The following DLC1 variants were observed in gnomAD, a reference collection of about 807,000 sequenced individuals.
DLC1 encodes the protein DLC1 Rho GTPase activating protein, also known as rho GTPase-activating protein 7.
In DLC1, 54 loss-of-function variants were observed where a neutral mutation model predicts 140.3. That is an observed-to-expected ratio of 0.38 (90% CI 0.31 to 0.48). The LOEUF is 0.48. Ranked by LOEUF, DLC1 falls within the 20% of genes least tolerant of loss-of-function variation. DLC1 has a pLI of 0.96. For synonymous variants in DLC1, 986 were observed against 728.1 expected (o/e 1.35, Z -5.70); for missense variants, 2,536 against 1,907.0 (o/e 1.33, Z -6.14).
At chr8:13,579,318 TATATATATATA>T (rs1563453811) in intron 1 of DLC1, among the ~76,000 whole-genome samples, 88 of 5,470 alleles carry the variant, frequency 0.016, 8 homozygotes, top group African/African-American at 0.048. Context: ...TCTGACTTTA[TATATATATATA>T]TATATATATA....
intron 5 of DLC1, among the ~76,000 whole-genome samples, chr8:13,134,571 T>C (rs1822411718): frequency 6.6e-6 from 1 of 152,232 alleles, no homozygotes; most frequent in African/African-American, 2.4e-5. Flanking sequence ...GAATTTAGTC[T>C]CTTAATTATA....
chr8:13,441,692 G>C (rs946546129), intron 2 of DLC1, among the ~76,000 whole-genome samples: 8 of 152,008 alleles, frequency 5.3e-5, no homozygotes, highest in African/African-American at 1.9e-4. Context: ...ACAAACCACT[G>C]CTCAATGAAA....
At chr8:13,313,965 G>A (rs981752771) in intron 4 of DLC1, among the ~76,000 whole-genome samples, 1 of 152,012 alleles carries the variant, frequency 6.6e-6, no homozygotes, top group Non-Finnish European at 1.5e-5. Flanking sequence ...CCAAACAGAG[G>A]AGCAGACTCC....
At chr8:13,450,049 G>C (rs954265463) in intron 2 of DLC1, among the ~76,000 whole-genome samples, 9 of 151,790 alleles carry the variant, frequency 5.9e-5, no homozygotes, top group African/African-American at 1.7e-4. Flanking sequence ...CCAGTTTTTA[G>C]CTCCTTATTT....
intron 12 of DLC1, among the ~76,000 whole-genome samples, chr8:13,093,245 G>A (rs2128931017): frequency 6.6e-6 from 1 of 152,132 alleles, no homozygotes; most frequent in African/African-American, 2.4e-5. Context: ...ATATGTACAA[G>A]AACGTAAGAA....
intron 1 of DLC1, chr8:13,566,826 G>T: frequency 1.1e-6 from 1 of 898,338 alleles, no homozygotes; most frequent in Non-Finnish European, 1.6e-6. Context: ...CACTGCGCAT[G>T]AGCGGCCCGC....
intron 2 of DLC1, among the ~76,000 whole-genome samples, chr8:13,484,768 C>G (rs748151025): frequency 2.0e-5 from 3 of 151,888 alleles, no homozygotes; most frequent in Non-Finnish European, 2.9e-5. Flanking sequence ...TGAACATAAA[C>G]AGTCCCTGGA....
intron 2 of DLC1, among the ~76,000 whole-genome samples, chr8:13,477,015 TG>T (rs1461865346): frequency 6.6e-6 from 1 of 152,190 alleles, no homozygotes; most frequent in Non-Finnish European, 1.5e-5. Context: ...GAGAGTTGTA[TG>T]GTGGATTGTG....
At chr8:13,215,333 C>A (rs745486524) in intron 5 of DLC1, among the ~76,000 whole-genome samples, 2 of 152,196 alleles carry the variant, frequency 1.3e-5, no homozygotes, top group Non-Finnish European at 2.9e-5. Flanking sequence ...CGCCTGTAAT[C>A]CCAACATTTT....
chr8:13,494,575 A>G (rs929922267), intron 2 of DLC1, among the ~76,000 whole-genome samples: 1 of 152,134 alleles, frequency 6.6e-6, no homozygotes, highest in African/African-American at 2.4e-5. Flanking sequence ...TCTTATCCCT[A>G]TTTTATGCGT....
chr8:13,319,146 C>G (rs550326197), intron 4 of DLC1, among the ~76,000 whole-genome samples: 1 of 152,266 alleles, frequency 6.6e-6, no homozygotes, highest in African/African-American at 2.4e-5. Context: ...GGTTCAGTAG[C>G]TGTGTAGTTT....
At chr8:13,276,973 G>A (rs1430333060) in intron 5 of DLC1, 1 of 152,306 alleles carries the variant, frequency 6.6e-6, no homozygotes, top group African/African-American at 2.4e-5. Context: ...GTTGTGGGAA[G>A]GAAGATATGG....
At chr8:13,571,967 A>G (rs943787243) in intron 1 of DLC1, among the ~76,000 whole-genome samples, 2 of 152,170 alleles carry the variant, frequency 1.3e-5, no homozygotes, top group African/African-American at 4.8e-5. Context: ...ATGATGCTAA[A>G]CAGTTTTTCA....
At chr8:13,277,188 T>C (rs1349648893) in intron 5 of DLC1, among the ~76,000 whole-genome samples, 1 of 152,126 alleles carries the variant, frequency 6.6e-6, no homozygotes, top group Admixed American at 6.5e-5. Context: ...GGCATGCACC[T>C]GTGGTCCCAG....
chr8:13,253,514 T>TCA (rs1830094361), intron 5 of DLC1, among the ~76,000 whole-genome samples: 1 of 152,116 alleles, frequency 6.6e-6, no homozygotes, highest in African/African-American at 2.4e-5. Context: ...GACACAAAAT[T>TCA]CAGATTAAAG....
intron 5 of DLC1, among the ~76,000 whole-genome samples, chr8:13,134,853 C>G (rs1822432379): frequency 6.6e-6 from 1 of 152,132 alleles, no homozygotes; most frequent in South Asian, 2.1e-4. Flanking sequence ...TTACCCAAAG[C>G]AGAATTCAGC....
At chr8:13,495,871 T>G (rs1281179898) in intron 2 of DLC1, among the ~76,000 whole-genome samples, 1 of 152,234 alleles carries the variant, frequency 6.6e-6, no homozygotes, top group African/African-American at 2.4e-5. Context: ...TCTTTTATTT[T>G]TTTCTTCAGG....
chr8:13,244,694 C>A (rs1829686910), intron 5 of DLC1, among the ~76,000 whole-genome samples: 1 of 152,156 alleles, frequency 6.6e-6, no homozygotes, highest in South Asian at 2.1e-4. Context: ...AAAATCTCTT[C>A]CCTACGTTTC....
Position 13,094,890 on chromosome 8 carries a change from G to A in DLC1, c.3395C>T (p.Ala1132Val). Residue 1132 changes from alanine to valine, a missense_variant, in exon 12 of 18, where the codon GCC (alanine) becomes GTC (valine). Physicochemically the swap from Ala to Val is moderately conservative, Grantham distance 64. Coordinates refer to ENST00000276297, the MANE Select transcript of DLC1 (RefSeq NM_182643.3). ...TCCTTCGTAGTTGACACAGTCTATG[G>A]CACCTTCATTCATCTGGCGCAGAGC... ...IQALRQMNEG[A>V]IDCVNYEGQS... The A allele has an allele frequency of 6.2e-7, 1 of 1,614,144 alleles. No homozygotes were observed. Among genetic ancestry groups the A allele is most frequent in the South Asian group, 1.1e-5 (1 of 91,064 alleles).
Sources: gnomAD v4.1 joint callset for allele counts (sites outside exome capture counted in the v4.1 genomes callset) on GRCh38, gnomAD v4.1.1 for gene constraint, MANE v1.5 for transcripts, NCBI Gene and HGNC (gene_info 2026-07-23, HGNC 2026-07-21) for gene names.